The following RIT2 variants were observed in gnomAD, a reference collection of about 807,000 sequenced individuals.
The protein encoded by RIT2 is GTP-binding protein Rit2.
A neutral mutation model predicts 23.7 loss-of-function variants in RIT2; 24 were observed. The ratio of observed to expected loss-of-function variants is 1.01; its 90% CI spans 0.73 to 1.43. RIT2 has a LOEUF of 1.43. Ranked by LOEUF, RIT2 falls within the 40% of genes most tolerant of loss-of-function variation. RIT2 has a pLI of 0.00. For synonymous variants in RIT2, 107 were observed against 91.1 expected (o/e 1.17, Z -0.99); for missense variants, 236 against 266.9 (o/e 0.88, Z 0.81).
intron 4 of RIT2, among the ~76,000 whole-genome samples, chr18:42,866,912 A>T (rs983952694): frequency 1.3e-5 from 2 of 152,024 alleles, no homozygotes; most frequent in African/African-American, 4.8e-5. Flanking sequence ...ATTTTGTTTG[A>T]TTGCACCTAG....
chr18:42,822,044 C>A (rs1906167575), intron 4 of RIT2, among the ~76,000 whole-genome samples: 1 of 152,034 alleles, frequency 6.6e-6, no homozygotes, highest in Non-Finnish European at 1.5e-5. Flanking sequence ...TGTGTATGCC[C>A]TCCTGCAGGA....
intron 4 of RIT2, among the ~76,000 whole-genome samples, chr18:42,826,532 A>G (rs73470069): frequency 0.02 from 3,115 of 152,226 alleles, 95 homozygotes; most frequent in African/African-American, 0.069. Context: ...ACTGGGAGCT[A>G]GCATCATGTT....
intron 4 of RIT2, among the ~76,000 whole-genome samples, chr18:42,879,783 T>G (rs1907839225): frequency 6.6e-6 from 1 of 152,198 alleles, no homozygotes; most frequent in Non-Finnish European, 1.5e-5. Flanking sequence ...AATAAAACTT[T>G]TTTTTCAAAG....
At chr18:43,107,767 C>G (rs1913858963) in intron 1 of RIT2, among the ~76,000 whole-genome samples, 1 of 152,150 alleles carries the variant, frequency 6.6e-6, no homozygotes, top group South Asian at 2.1e-4. Flanking sequence ...ATGCCACTCA[C>G]TACCCCATCT....
intron 4 of RIT2, among the ~76,000 whole-genome samples, chr18:42,745,329 T>G (rs1912892028): frequency 6.6e-6 from 1 of 152,170 alleles, no homozygotes; most frequent in Non-Finnish European, 1.5e-5. Flanking sequence ...TTTGCAATTG[T>G]TTGTAATCAG....
At chr18:42,817,266 A>G (rs1906025734) in intron 4 of RIT2, among the ~76,000 whole-genome samples, 1 of 152,054 alleles carries the variant, frequency 6.6e-6, no homozygotes, top group African/African-American at 2.4e-5. Flanking sequence ...CTTTTTTAAT[A>G]TTTTTCATCT....
intron 1 of RIT2, among the ~76,000 whole-genome samples, chr18:43,064,081 A>T (rs1382230357): frequency 6.6e-6 from 1 of 152,224 alleles, no homozygotes; most frequent in Non-Finnish European, 1.5e-5. Flanking sequence ...TGGCTTCCTT[A>T]ACATTTATTC....
intron 1 of RIT2, among the ~76,000 whole-genome samples, chr18:43,075,772 T>C (rs1912999451): frequency 6.6e-6 from 1 of 152,206 alleles, no homozygotes; most frequent in Admixed American, 6.5e-5. Context: ...CCCCTCTTTT[T>C]GTCTAAGAAC....
At chr18:42,774,752 T>C (rs1475560192) in intron 4 of RIT2, among the ~76,000 whole-genome samples, 2 of 152,152 alleles carry the variant, frequency 1.3e-5, no homozygotes, top group African/African-American at 4.8e-5. Flanking sequence ...TAAATGTCTT[T>C]TATTCTTATC....
intron 4 of RIT2, among the ~76,000 whole-genome samples, chr18:42,777,014 A>G (rs2143925223): frequency 6.6e-6 from 1 of 152,278 alleles, no homozygotes. Context: ...AGATGGAGGA[A>G]AATGGTCAGA....
At chr18:42,841,796 C>G (rs1265773152) in intron 4 of RIT2, among the ~76,000 whole-genome samples, 2 of 152,116 alleles carry the variant, frequency 1.3e-5, no homozygotes, top group Non-Finnish European at 2.9e-5. Context: ...AATCATCTCA[C>G]TATTATTTAT....
At chr18:42,995,747 G>T (rs1234176607) in intron 2 of RIT2, among the ~76,000 whole-genome samples, 1 of 152,136 alleles carries the variant, frequency 6.6e-6, no homozygotes, top group Non-Finnish European at 1.5e-5. Flanking sequence ...ACAGGGTACA[G>T]CCCATTTAAG....
chr18:43,025,238 A>AC lies in RIT2; in HGVS notation c.160+8572_160+8573insG, dbSNP rs201533349. On this transcript the variant is annotated intron_variant, in intron 2 of 4. Coordinates refer to ENST00000326695, the MANE Select transcript of RIT2 (RefSeq NM_002930.4). ...AAACAAAACAAAACAAAAAAAAAAC[A>AC]AAAAAAAAAACAGGCAGCAAATAGG... is the stretch of plus-strand genomic sequence containing the variant. Among the ~76,000 whole-genome samples the AC allele has an allele frequency of 9.1e-3, 844 of 92,676 alleles. 4 individuals are homozygous for AC. The highest frequency in any genetic ancestry group is 0.042 in the African/African-American group (790 of 18,838). 60.8% of individuals were successfully genotyped at this position (92,676 alleles called of 152,430 possible).
At chr18:42,929,034 GATATATAT>G (rs770619793) in intron 3 of RIT2, among the ~76,000 whole-genome samples, 2 of 96,956 alleles carry the variant, frequency 2.1e-5, no homozygotes, top group African/African-American at 7.9e-5. Context: ...AAAATATGGA[GATATATAT>G]ATATATATAT....
At chr18:43,017,166 A>G (rs912731811) in intron 2 of RIT2, among the ~76,000 whole-genome samples, 15 of 151,970 alleles carry the variant, frequency 9.9e-5, no homozygotes, top group African/African-American at 3.4e-4. Flanking sequence ...TTCACACTCT[A>G]CATTTTAAAA....
chr18:42,806,377 G>A (rs1385457317), intron 4 of RIT2, among the ~76,000 whole-genome samples: 1 of 151,932 alleles, frequency 6.6e-6, no homozygotes, highest in African/African-American at 2.4e-5. Flanking sequence ...GATGAGGCAG[G>A]AGAATCACTT....
intron 2 of RIT2, among the ~76,000 whole-genome samples, chr18:42,992,726 G>A (rs918646379): frequency 6.6e-6 from 1 of 152,026 alleles, no homozygotes; most frequent in Admixed American, 6.6e-5. Flanking sequence ...TATAGTCAAG[G>A]TTAATGCTCC....
intron 4 of RIT2, among the ~76,000 whole-genome samples, chr18:42,881,569 G>C (rs1452076400): frequency 6.6e-6 from 1 of 152,044 alleles, no homozygotes; most frequent in East Asian, 1.9e-4. Context: ...GTATGCATGA[G>C]GTGTTGTAGC....
intron 4 of RIT2, among the ~76,000 whole-genome samples, chr18:42,771,959 T>TAA (rs1913561597): frequency 6.6e-6 from 1 of 152,040 alleles, no homozygotes; most frequent in Non-Finnish European, 1.5e-5. Context: ...TCCACAAAGA[T>TAA]AAAAAATCAC....
Sources: gnomAD v4.1 joint callset for allele counts (sites outside exome capture counted in the v4.1 genomes callset) on GRCh38, gnomAD v4.1.1 for gene constraint, MANE v1.5 for transcripts, NCBI Gene and HGNC (gene_info 2026-07-23, HGNC 2026-07-21) for gene names.